The following GRID2 variants were observed in gnomAD, a reference collection of about 807,000 sequenced individuals.
GRID2 encodes glutamate ionotropic receptor delta type subunit 2.
A neutral mutation model predicts 114.8 loss-of-function variants in GRID2; 33 were observed. The observed-to-expected ratio is 0.29, with a 90% CI of 0.22 to 0.38. GRID2 has a LOEUF of 0.38. Ranked by LOEUF, GRID2 falls within the 10% of genes least tolerant of loss-of-function variation. The pLI, the probability that GRID2 is intolerant of heterozygous loss-of-function variation, is 1.00. For synonymous variants in GRID2, 505 were observed against 449.9 expected, an observed-to-expected ratio of 1.12 and a Z score of -1.55; for missense variants, 1,184 against 1,257.7, an observed-to-expected ratio of 0.94 and a Z score of 0.89.
At chr4:93,257,190 T>C (rs2149541562) in intron 8 of GRID2, among the ~76,000 whole-genome samples, 1 of 151,992 alleles carries the variant, frequency 6.6e-6, no homozygotes, top group South Asian at 2.1e-4. Context: ...TTTATCTGAT[T>C]TACTTAATAA....
intron 9 of GRID2, among the ~76,000 whole-genome samples, chr4:93,408,729 C>G (rs1483101397): frequency 6.6e-6 from 1 of 152,028 alleles, no homozygotes; most frequent in Non-Finnish European, 1.5e-5. Context: ...GCCTTTGTAG[C>G]TTTAAGTTCA....
chr4:92,996,483 A>G (rs897046993), intron 2 of GRID2, among the ~76,000 whole-genome samples: 3 of 152,026 alleles, frequency 2.0e-5, no homozygotes, highest in African/African-American at 7.2e-5. Context: ...ATAAACCTCA[A>G]ATCTGTGTCT....
At chr4:93,292,065 T>C (rs563202252) in intron 8 of GRID2, among the ~76,000 whole-genome samples, 17 of 152,344 alleles carry the variant, frequency 1.1e-4, no homozygotes, top group South Asian at 8.3e-4. Context: ...AAGTCACTTA[T>C]TCCACAAGAT....
At chr4:93,206,623 C>CACAA (rs1742823629) in intron 4 of GRID2, among the ~76,000 whole-genome samples, 1 of 151,780 alleles carries the variant, frequency 6.6e-6, no homozygotes, top group Non-Finnish European at 1.5e-5. Context: ...CACACACACA[C>CACAA]ACACACGCAT....
chr4:93,757,317 T>C (rs573708409), intron 14 of GRID2, among the ~76,000 whole-genome samples: 133 of 152,234 alleles, frequency 8.7e-4, no homozygotes, highest in Non-Finnish European at 9.1e-4. Flanking sequence ...TCTCCCCATA[T>C]TCATGCTCAG....
At chr4:93,471,334 C>T (rs550294209) in intron 11 of GRID2, among the ~76,000 whole-genome samples, 1 of 152,148 alleles carries the variant, frequency 6.6e-6, no homozygotes, top group Non-Finnish European at 1.5e-5. Flanking sequence ...TAAACTGTCT[C>T]TTCATAAGAT....
At chr4:92,577,410 G>T (rs1446116357) in intron 1 of GRID2, among the ~76,000 whole-genome samples, 1 of 152,186 alleles carries the variant, frequency 6.6e-6, no homozygotes, top group African/African-American at 2.4e-5. Flanking sequence ...AAGGATGATG[G>T]TAGGACCGAG....
intron 2 of GRID2, among the ~76,000 whole-genome samples, chr4:92,612,713 G>A (rs949173290): frequency 2.2e-4 from 33 of 151,276 alleles, no homozygotes; most frequent in African/African-American, 6.5e-4. Context: ...TATTGTGAAC[G>A]GAATCATTTC....
At chr4:92,768,200 G>A (rs1037395563) in intron 2 of GRID2, among the ~76,000 whole-genome samples, 2 of 152,112 alleles carry the variant, frequency 1.3e-5, no homozygotes. Context: ...TGATATTGAT[G>A]CAGATTTATG....
chr4:93,096,201 A>T (rs1731215581), intron 3 of GRID2, among the ~76,000 whole-genome samples: 1 of 152,002 alleles, frequency 6.6e-6, no homozygotes, highest in Non-Finnish European at 1.5e-5. Flanking sequence ...ATCTCTCACT[A>T]CACACAAAAA....
At chr4:92,502,088 GA>G in intron 1 of GRID2, among the ~76,000 whole-genome samples, 2 of 152,024 alleles carry the variant, frequency 1.3e-5, no homozygotes, top group East Asian at 3.9e-4. Flanking sequence ...GTCAAATTAT[GA>G]ATTAATTAGT....
In GRID2 at chr4:92,863,003, A is replaced by C. The variant is rs202229962; in HGVS notation, c.245-221992A>C. Reference sequence around the variant, plus strand: ...ATCTCCCACTAGCTCTTCTCTCGGCACTTACCCATTTAGTCTATCAACTGA... The same window carrying C: ...ATCTCCCACTAGCTCTTCTCTCGGCCCTTACCCATTTAGTCTATCAACTGA... On this transcript the variant is annotated intron_variant, in intron 2 of 15. Coordinates refer to ENST00000282020, the MANE Select transcript of GRID2 (RefSeq NM_001510.4). Among the ~76,000 whole-genome samples, 8 of 152,076 alleles carry C rather than the reference A, an allele frequency of 5.3e-5. No homozygotes were observed. In the East Asian group the frequency reaches 1.5e-3, roughly 29 times the overall value.
chr4:93,721,457 A>G (rs913073354), intron 14 of GRID2, among the ~76,000 whole-genome samples: 3 of 152,236 alleles, frequency 2.0e-5, no homozygotes, highest in East Asian at 1.9e-4. Context: ...AAATATTCAG[A>G]TGTAATAAAG....
chr4:92,475,711 A>G lies in GRID2; in HGVS notation c.89-114420A>G, dbSNP rs1361623416. Among the ~76,000 whole-genome samples, 3 of 151,918 alleles carry G rather than the reference A, an allele frequency of 2.0e-5. No individual in the cohort carries two copies. In the East Asian group the frequency reaches 5.8e-4, roughly 29 times the overall value. ...ATTATTTTTTAATTTTGTGTAAAACATCATGGGGGCGTTCATAGGCATTGC... is the reference window on the plus strand; with the variant it reads ...ATTATTTTTTAATTTTGTGTAAAACGTCATGGGGGCGTTCATAGGCATTGC... On this transcript the variant is annotated intron_variant, in intron 1 of 15. Transcript: ENST00000282020.
intron 1 of GRID2, among the ~76,000 whole-genome samples, chr4:92,525,871 T>C (rs531354756): frequency 6.6e-6 from 1 of 152,206 alleles, no homozygotes; most frequent in East Asian, 1.9e-4. Flanking sequence ...TAGAGCAGTA[T>C]TCTATGCTGG....
intron 14 of GRID2, 27 bp downstream of exon 14, chr4:93,626,462 G>A: frequency 6.1e-6 from 9 of 1,466,310 alleles, no homozygotes; most frequent in Non-Finnish European, 8.5e-6. Flanking sequence ...ACCAAATAAG[G>A]GGAGAGATGA....
chr4:93,469,113 G>T (rs1724559238), intron 11 of GRID2, among the ~76,000 whole-genome samples: 1 of 152,094 alleles, frequency 6.6e-6, no homozygotes, highest in Non-Finnish European at 1.5e-5. Context: ...TGTATTTGTG[G>T]TGATGACTCC....
chr4:93,768,770 G>A (rs566725961), intron 14 of GRID2, among the ~76,000 whole-genome samples: 11 of 152,296 alleles, frequency 7.2e-5, no homozygotes, highest in East Asian at 5.8e-4. Flanking sequence ...GCAGCAAAAC[G>A]TTCTTCATAA....
At chr4:92,610,159 C>A (rs1729649290) in intron 2 of GRID2, among the ~76,000 whole-genome samples, 1 of 151,588 alleles carries the variant, frequency 6.6e-6, no homozygotes, top group Non-Finnish European at 1.5e-5. Context: ...CCAACTTAAA[C>A]ACAAGCTCTT....
Sources: gnomAD v4.1 joint callset for allele counts (sites outside exome capture counted in the v4.1 genomes callset) on GRCh38, gnomAD v4.1.1 for gene constraint, MANE v1.5 for transcripts, NCBI Gene and HGNC (gene_info 2026-07-23, HGNC 2026-07-21) for gene names.